CSNK2A2IP: variants seen among roughly 807,000 people sequenced by gnomAD.
CSNK2A2IP encodes the protein casein kinase II subunit alpha'-interacting protein.
chr3:88,453,618 T>C, the CSNK2A2IP span, among the ~76,000 whole-genome samples: 2 of 152,092 alleles, frequency 1.3e-5, no homozygotes, highest in African/African-American at 4.8e-5. Context: ...GATGGTTTAT[T>C]GAGAAAACAA....
the CSNK2A2IP span, chr3:88,465,617 T>C: frequency 3.2e-6 from 4 of 1,231,696 alleles, no homozygotes; most frequent in South Asian, 1.6e-4. Context: ...TGTGATAGGT[T>C]TCTGAATTCA....
chr3:88,368,453 C>G, the CSNK2A2IP span, among the ~76,000 whole-genome samples: 3 of 151,790 alleles, frequency 2.0e-5, no homozygotes, highest in African/African-American at 7.3e-5. Context: ...GGTTTCAATG[C>G]CATAGAGACA....
At chr3:88,419,504 C>T in the CSNK2A2IP span, among the ~76,000 whole-genome samples, 1 of 152,068 alleles carries the variant, frequency 6.6e-6, no homozygotes, top group Non-Finnish European at 1.5e-5. Context: ...TCCAGTTCAC[C>T]ATTGATGGGC....
At chr3:88,396,151 C>T in the CSNK2A2IP span, among the ~76,000 whole-genome samples, 2 of 142,196 alleles carry the variant, frequency 1.4e-5, no homozygotes, top group Non-Finnish European at 3.0e-5. Context: ...GTCGCCCAGG[C>T]TGGAGTGCAG....
the CSNK2A2IP span, among the ~76,000 whole-genome samples, chr3:88,442,157 C>T: frequency 2.0e-5 from 3 of 152,124 alleles, no homozygotes; most frequent in African/African-American, 7.2e-5. Flanking sequence ...CACATGCACA[C>T]AAACACTAAT....
the CSNK2A2IP span, among the ~76,000 whole-genome samples, chr3:88,446,030 T>TTTTCTCTTTCTTTCTTTCTTTCTTTC: frequency 3.4e-5 from 2 of 58,092 alleles, no homozygotes; most frequent in African/African-American, 5.1e-5. Flanking sequence ...TCTTTGTTTC[T>TTTTCTCTTTCTTTCTTTCTTTCTTTC]TTTCTTTCTT....
At chr3:88,466,606 A>C in the CSNK2A2IP span, 183 of 1,231,614 alleles carry the variant, frequency 1.5e-4, 4 homozygotes, top group South Asian at 6.4e-3. Flanking sequence ...TTTAAAGTAT[A>C]GTCAGCCCTG....
At chr3:88,420,674 G>T in the CSNK2A2IP span, among the ~76,000 whole-genome samples, 5 of 152,100 alleles carry the variant, frequency 3.3e-5, no homozygotes, top group Non-Finnish European at 7.4e-5. Flanking sequence ...GGAAAAGCAA[G>T]TTCAATCAAC....
the CSNK2A2IP span, among the ~76,000 whole-genome samples, chr3:88,430,598 G>A: frequency 2.6e-5 from 4 of 151,946 alleles, no homozygotes; most frequent in African/African-American, 7.3e-5. Context: ...AAATGTAAGC[G>A]ACCTGGAGAC....
the CSNK2A2IP span, among the ~76,000 whole-genome samples, chr3:88,374,414 G>A: frequency 6.6e-6 from 1 of 151,570 alleles, no homozygotes; most frequent in Non-Finnish European, 1.5e-5. Context: ...ATGGATTTGG[G>A]AGTCATCAAC....
At chr3:88,402,223 G>T in the CSNK2A2IP span, among the ~76,000 whole-genome samples, 1 of 151,902 alleles carries the variant, frequency 6.6e-6, no homozygotes, top group African/African-American at 2.4e-5. Context: ...AATGTTATTT[G>T]ATTTTATGTT....
the CSNK2A2IP span, among the ~76,000 whole-genome samples, chr3:88,395,327 C>T: frequency 6.6e-6 from 1 of 152,080 alleles, no homozygotes; most frequent in Non-Finnish European, 1.5e-5. Flanking sequence ...ATTCTATGAT[C>T]CATTTCAGGT....
the CSNK2A2IP span, among the ~76,000 whole-genome samples, chr3:88,389,903 G>A: frequency 6.6e-6 from 1 of 151,548 alleles, no homozygotes; most frequent in African/African-American, 2.4e-5. Context: ...TAATGGCTGG[G>A]TTCTGTTCAT....
the CSNK2A2IP span, among the ~76,000 whole-genome samples, chr3:88,408,273 G>C: frequency 1.3e-5 from 2 of 152,024 alleles, no homozygotes; most frequent in South Asian, 4.1e-4. Flanking sequence ...AATGAGGTTT[G>C]TTTATTTTTA....
the CSNK2A2IP span, among the ~76,000 whole-genome samples, chr3:88,397,814 TAGTA>T: frequency 6.6e-6 from 1 of 152,006 alleles, no homozygotes; most frequent in South Asian, 2.1e-4. Flanking sequence ...TAAGTCCAAA[TAGTA>T]AGTGTTTCAT....
chr3:88,348,022 AC>A, the CSNK2A2IP span, among the ~76,000 whole-genome samples: 6 of 152,058 alleles, frequency 3.9e-5, no homozygotes, highest in South Asian at 1.2e-3. Context: ...TCCTATAAAG[AC>A]TTTCTTTCAC....
At chr3:88,391,149 C>T in the CSNK2A2IP span, among the ~76,000 whole-genome samples, 3 of 152,272 alleles carry the variant, frequency 2.0e-5, no homozygotes, top group South Asian at 6.2e-4. Context: ...ATGTCTATTT[C>T]TGTGATGTGT....
the CSNK2A2IP span, among the ~76,000 whole-genome samples, chr3:88,428,027 G>C: frequency 6.6e-6 from 1 of 152,156 alleles, no homozygotes; most frequent in African/African-American, 2.4e-5. Context: ...GCAGCCAGAA[G>C]GGGGGCTGTG....
chr3:88,432,815 A>G, the CSNK2A2IP span, among the ~76,000 whole-genome samples: 1 of 150,950 alleles, frequency 6.6e-6, no homozygotes, highest in Non-Finnish European at 1.5e-5. Context: ...TAATATTATA[A>G]TATAAATCCT....
Sources: allele counts gnomAD v4.1 joint callset (sites outside exome capture counted in the v4.1 genomes callset), GRCh38; gene constraint gnomAD v4.1.1; transcripts MANE v1.5; gene names NCBI Gene and HGNC (gene_info 2026-07-23, HGNC 2026-07-21).